The following JAM2 variants were observed in gnomAD, a reference collection of about 807,000 sequenced individuals.
The protein encoded by JAM2 is junctional adhesion molecule B.
A neutral mutation model predicts 42.0 loss-of-function variants in JAM2; 17 were observed. The observed-to-expected ratio is 0.40, with a 90% confidence interval of 0.28 to 0.61. The LOEUF is 0.61. JAM2 is among the 20% of genes least tolerant of loss of function. The probability of loss-of-function intolerance (pLI) is 0.37; values close to 1 mark genes in which losing one functional copy is unlikely to be tolerated. For missense variants in JAM2, 319 were observed against 358.3 expected (o/e 0.89, Z 0.89); for synonymous variants, 118 against 128.6 (o/e 0.92, Z 0.56).
intron 9 of JAM2, chr21:25,714,238 G>C (rs745512042): frequency 9.2e-6 from 12 of 1,300,138 alleles, no homozygotes; most frequent in Admixed American, 6.9e-5. Context: ...CAGGTGCAGT[G>C]GCTCACGCCT....
At chr21:25,658,322 T>TAC (rs1491504296) in intron 1 of JAM2, among the ~76,000 whole-genome samples, 2 of 149,440 alleles carry the variant, frequency 1.3e-5, no homozygotes, top group African/African-American at 4.9e-5. Context: ...AGGAATTATT[T>TAC]ATATATATAT....
At chr21:25,653,166 G>C (rs1017370170) in intron 1 of JAM2, among the ~76,000 whole-genome samples, 2 of 152,192 alleles carry the variant, frequency 1.3e-5, no homozygotes, top group Non-Finnish European at 2.9e-5. Flanking sequence ...ATTGTGTTCT[G>C]CCTGCTGGGA....
intron 1 of JAM2, among the ~76,000 whole-genome samples, chr21:25,650,527 C>T (rs904237291): frequency 6.6e-6 from 1 of 152,192 alleles, no homozygotes. Context: ...AACACTGAAT[C>T]AGTGATCTTC....
intron 2 of JAM2, among the ~76,000 whole-genome samples, chr21:25,688,975 A>C (rs958522198): frequency 4.6e-5 from 7 of 151,464 alleles, no homozygotes; most frequent in Non-Finnish European, 1.5e-5. Context: ...GGAGGTTTCC[A>C]TTTGGCAACT....
chr21:25,690,799 G>C (rs909321284), intron 3 of JAM2, among the ~76,000 whole-genome samples: 1 of 151,936 alleles, frequency 6.6e-6, no homozygotes, highest in Non-Finnish European at 1.5e-5. Context: ...ACTTATGGGT[G>C]GGTTATGACA....
chr21:25,681,762 C>CAGGA (rs145739596), intron 1 of JAM2, among the ~76,000 whole-genome samples: 3,248 of 152,202 alleles, frequency 0.021, 119 homozygotes, highest in African/African-American at 0.074. Flanking sequence ...GTGGGTGGAT[C>CAGGA]AGGAGGTCAG....
At chr21:25,673,270 T>G (rs989937747) in intron 1 of JAM2, among the ~76,000 whole-genome samples, 2 of 152,172 alleles carry the variant, frequency 1.3e-5, no homozygotes, top group Non-Finnish European at 2.9e-5. Context: ...TTCATCTCTT[T>G]CTAATATCAC....
chr21:25,683,775 C>T, intron 1 of JAM2, 108 bp from the exon 2 acceptor site: 3 of 742,850 alleles, frequency 4.0e-6, no homozygotes, highest in Admixed American at 2.8e-5. Context: ...ATTGGGTAAA[C>T]TTGTCACCAA....
intron 1 of JAM2, among the ~76,000 whole-genome samples, chr21:25,640,236 T>C (rs902258199): frequency 2.0e-5 from 3 of 152,152 alleles, no homozygotes; most frequent in African/African-American, 7.2e-5. Flanking sequence ...TACCCACTGG[T>C]AAGATGCTAA....
In JAM2 at chr21:25,717,518, T is replaced by C. The variant is rs980168103; in HGVS notation, c.*2846T>C. 1 of 1,110,452 alleles carries C rather than the reference T, an allele frequency of 9.0e-7. No individual in the cohort carries two copies. The highest frequency in any genetic ancestry group is 1.6e-5 in the African/African-American group (1 of 62,248). 68.8% of individuals were successfully genotyped at this position (1,110,452 alleles called of 1,614,324 possible). ...ACAACTTTGCAAAGAACTTCCTTTT[T>C]CCACAGGTGGCTTTGTTCGATTAAA... On this transcript the variant is annotated 3_prime_UTR_variant, in exon 10 of 10. Coordinates refer to ENST00000480456, the MANE Select transcript of JAM2 (RefSeq NM_021219.4).
chr21:25,641,677 A>G (rs1437303703), intron 1 of JAM2, among the ~76,000 whole-genome samples: 1 of 152,142 alleles, frequency 6.6e-6, no homozygotes, highest in East Asian at 1.9e-4. Flanking sequence ...GAGTTCTCAT[A>G]TACTCCACAC....
chr21:25,652,911 T>C (rs2032821815), intron 1 of JAM2, among the ~76,000 whole-genome samples: 1 of 152,226 alleles, frequency 6.6e-6, no homozygotes, highest in South Asian at 2.1e-4. Flanking sequence ...CATTATATAT[T>C]TGGCTTGTAT....
chr21:25,709,578 A>C, intron 8 of JAM2, 129 bp downstream of exon 8: 1 of 559,070 alleles, frequency 1.8e-6, no homozygotes, highest in Non-Finnish European at 3.3e-6. Flanking sequence ...AAGTTACTCA[A>C]GTTTATCAAG....
chr21:25,689,794 T>C, intron 2 of JAM2, 72 bp from the exon 3 acceptor site: 1 of 913,872 alleles, frequency 1.1e-6, no homozygotes. Flanking sequence ...TTTACAATTT[T>C]GTTACCTAGT....
At chr21:25,688,471 C>A (rs899379722) in intron 2 of JAM2, among the ~76,000 whole-genome samples, 5 of 152,128 alleles carry the variant, frequency 3.3e-5, no homozygotes, top group African/African-American at 9.7e-5. Context: ...CTCAAGACTC[C>A]GGAAGGTCAC....
chr21:25,640,306 G>T (rs1453702847), intron 1 of JAM2, among the ~76,000 whole-genome samples: 2 of 152,220 alleles, frequency 1.3e-5, no homozygotes, highest in Non-Finnish European at 2.9e-5. Context: ...GAGTCCCCGG[G>T]GAGGGGGCAG....
intron 1 of JAM2, among the ~76,000 whole-genome samples, chr21:25,653,695 TC>T (rs1246080510): frequency 5.9e-5 from 9 of 152,142 alleles, no homozygotes; most frequent in African/African-American, 2.2e-4. Context: ...CTCTATCTCG[TC>T]TCTCCCTTTA....
intron 1 of JAM2, among the ~76,000 whole-genome samples, chr21:25,659,468 A>G (rs1457210902): frequency 6.6e-6 from 1 of 152,104 alleles, no homozygotes; most frequent in Non-Finnish European, 1.5e-5. Flanking sequence ...CTTTGGTGCC[A>G]TTTTGTAATT....
chr21:25,699,983 C>T (rs544933664), intron 5 of JAM2, among the ~76,000 whole-genome samples: 11 of 152,176 alleles, frequency 7.2e-5, no homozygotes, highest in Non-Finnish European at 1.3e-4. Flanking sequence ...TTAAATATTT[C>T]CATGACTGTA....
Sources: gnomAD v4.1 joint callset for allele counts (sites outside exome capture counted in the v4.1 genomes callset) on GRCh38, gnomAD v4.1.1 for gene constraint, MANE v1.5 for transcripts, NCBI Gene and HGNC (gene_info 2026-07-23, HGNC 2026-07-21) for gene names.